IFT57: variants seen among roughly 807,000 people sequenced by gnomAD.
The protein encoded by IFT57 is intraflagellar transport protein 57 homolog.
In IFT57, 59 loss-of-function variants were observed where a neutral mutation model predicts 56.8. The ratio of observed to expected loss-of-function variants is 1.04; its 90% CI spans 0.84 to 1.29. IFT57 has a LOEUF of 1.29. Among genes scored for constraint, IFT57 ranks in the 50% most tolerant of loss-of-function variants. The pLI is 0.00. For synonymous variants in IFT57, 209 were observed against 186.1 expected (o/e 1.12, Z -1.00); for missense variants, 470 against 522.1 (o/e 0.90, Z 0.97).
intron 5 of IFT57, among the ~76,000 whole-genome samples, chr3:108,201,597 A>G (rs933048500): frequency 1.4e-4 from 21 of 152,206 alleles, no homozygotes; most frequent in African/African-American, 5.1e-4. Flanking sequence ...TAGGAGGCCT[A>G]ACACTCAACT....
intron 6 of IFT57, among the ~76,000 whole-genome samples, chr3:108,180,359 C>A (rs183597196): frequency 4.3e-4 from 66 of 152,024 alleles, no homozygotes; most frequent in Middle Eastern, 6.8e-3. Flanking sequence ...TTTGGCAAGT[C>A]AGACAGGGAG....
Position 108,209,916 on chromosome 3 carries a change from ATGTGTGTGTGTG to A in IFT57, c.586-3232_586-3221del, listed in dbSNP as rs35248776. On this transcript the variant is annotated intron_variant, in intron 4 of 10. Transcript: ENST00000264538. ...AGCCAATTCCTTAGTCTTTTTCTAT[ATGTGTGTGTGTG>A]TGTGTGTGTACCTCCTATTGGTTCT... 2.0e-5 allele frequency among the ~76,000 whole-genome samples: 3 copies of A among 149,932 alleles called. No homozygotes were observed. In the East Asian group the frequency reaches 5.9e-4, roughly 29 times the overall value.
chr3:108,204,114 CCATCATAAGCTGTAGTCAGACACAG>C (rs964754446), intron 5 of IFT57, among the ~76,000 whole-genome samples: 1 of 152,128 alleles, frequency 6.6e-6, no homozygotes, highest in African/African-American at 2.4e-5. Flanking sequence ...GCAGCCCAAA[CCATCATAAGCTGTAGTCAGACACAG>C]CTGTCTCAGG....
Position 108,222,272 on chromosome 3 carries a change from C to A in IFT57, c.51G>T (p.Val17=). ...VVTTSGLEDG[V]PRSRGEGTGE... ...CGGTCCCTTCGCCACGGGACCTAGG[C>A]ACCCCATCTTCCAAACCCGACGTCG... is the stretch of plus-strand genomic sequence containing the variant. Residue 17 remains valine (V), a synonymous_variant, in exon 1 of 11, where the codon GTG becomes GTT. Transcript: ENST00000264538. 6.2e-7 allele frequency: 1 copy of A among 1,613,960 alleles called. No individual in the cohort carries two copies. Among genetic ancestry groups the A allele is most frequent in the Non-Finnish European group, 8.5e-7 (1 of 1,179,980 alleles).
chr3:108,194,547 A>G (rs1189527963), intron 5 of IFT57, among the ~76,000 whole-genome samples: 3 of 152,322 alleles, frequency 2.0e-5, no homozygotes, highest in Non-Finnish European at 4.4e-5. Flanking sequence ...TCCTGAGCAA[A>G]AAGAACAAAG....
At chr3:108,198,484 C>G (rs62267866) in intron 5 of IFT57, among the ~76,000 whole-genome samples, 13,943 of 152,168 alleles carry the variant, frequency 0.092, 706 homozygotes, top group Middle Eastern at 0.12. Flanking sequence ...CTCTGTCACC[C>G]AGGTTGGAGT....
chr3:108,167,027 C>T, intron 7 of IFT57, 42 bp from the exon 8 acceptor site: 1 of 1,556,154 alleles, frequency 6.4e-7, no homozygotes, highest in Non-Finnish European at 8.7e-7. Flanking sequence ...AACTCACAAA[C>T]ATATTTTTTC....
At chr3:108,164,421 C>T (rs1291331488) in intron 9 of IFT57, among the ~76,000 whole-genome samples, 1 of 151,994 alleles carries the variant, frequency 6.6e-6, no homozygotes, top group Non-Finnish European at 1.5e-5. Context: ...ACATGATCTA[C>T]AACTAAGCTA....
chr3:108,216,553 A>G (rs1450043362), intron 3 of IFT57, among the ~76,000 whole-genome samples: 2 of 152,334 alleles, frequency 1.3e-5, no homozygotes, highest in African/African-American at 4.8e-5. Context: ...TACAGACACT[A>G]TAGCGAACAC....
chr3:108,217,828 T>C (rs958138041), intron 3 of IFT57, among the ~76,000 whole-genome samples: 4 of 151,866 alleles, frequency 2.6e-5, no homozygotes, highest in African/African-American at 4.8e-5. Flanking sequence ...AATTTATGTT[T>C]TCTAATTATA....
Position 108,161,831 on chromosome 3 carries a change from A to C in IFT57, c.*646T>G, listed in dbSNP as rs989089614. 6.6e-6 allele frequency: 1 copy of C among 152,226 alleles called. No homozygotes were observed. The highest frequency in any genetic ancestry group is 6.5e-5 in the Admixed American group (1 of 15,268). 9.4% of individuals were successfully genotyped at this position (152,226 alleles called of 1,614,324 possible). Reference sequence around the variant, plus strand: ...TTCTCTTCATTCTAAGAACAGAGTCAAACATGAGTGACTGACTTATCATCA... The same window carrying C: ...TTCTCTTCATTCTAAGAACAGAGTCCAACATGAGTGACTGACTTATCATCA... On this transcript the variant is annotated 3_prime_UTR_variant, in exon 11 of 11. Transcript: ENST00000264538.
chr3:108,189,083 A>G (rs2080200781), intron 6 of IFT57, among the ~76,000 whole-genome samples: 1 of 152,236 alleles, frequency 6.6e-6, no homozygotes, highest in Non-Finnish European at 1.5e-5. Context: ...AAAACCAAAA[A>G]ATCAGAAATC....
At chr3:108,176,130 A>T (rs2080122795) in intron 6 of IFT57, among the ~76,000 whole-genome samples, 1 of 151,880 alleles carries the variant, frequency 6.6e-6, no homozygotes, top group Admixed American at 6.6e-5. Flanking sequence ...TTACAATTCC[A>T]TTATAATTAC....
chr3:108,181,597 A>G (rs915298274), intron 6 of IFT57, among the ~76,000 whole-genome samples: 1 of 152,108 alleles, frequency 6.6e-6, no homozygotes, highest in African/African-American at 2.4e-5. Flanking sequence ...TAGGCAGTTT[A>G]TTTTAATAGC....
At chr3:108,202,687 T>C (rs576712653) in intron 5 of IFT57, among the ~76,000 whole-genome samples, 1 of 152,220 alleles carries the variant, frequency 6.6e-6, no homozygotes, top group Non-Finnish European at 1.5e-5. Context: ...TGGTGGAAGA[T>C]GAAGCAATGC....
intron 9 of IFT57, among the ~76,000 whole-genome samples, chr3:108,164,611 T>C (rs1186287867): frequency 6.6e-6 from 1 of 152,092 alleles, no homozygotes; most frequent in Non-Finnish European, 1.5e-5. Context: ...CTTCAAGTGT[T>C]AATTTACCTA....
At chr3:108,192,705 G>A (rs553639364) in intron 5 of IFT57, among the ~76,000 whole-genome samples, 3 of 152,034 alleles carry the variant, frequency 2.0e-5, no homozygotes, top group East Asian at 3.9e-4. Flanking sequence ...GACTTAAAAT[G>A]TATGAACCTT....
chr3:108,190,298 C>T (rs181561290), intron 6 of IFT57, among the ~76,000 whole-genome samples: 43 of 152,062 alleles, frequency 2.8e-4, no homozygotes, highest in Non-Finnish European at 3.5e-4. Context: ...TGGGAGAGGC[C>T]GGGGCAGAAT....
chr3:108,165,213 T>C (rs943005935), intron 9 of IFT57, among the ~76,000 whole-genome samples: 1 of 152,146 alleles, frequency 6.6e-6, no homozygotes, highest in South Asian at 2.1e-4. Flanking sequence ...GAGCAGGTTT[T>C]ATGTTGAATT....
Sources: allele counts gnomAD v4.1 joint callset (sites outside exome capture counted in the v4.1 genomes callset), GRCh38; gene constraint gnomAD v4.1.1; transcripts MANE v1.5; gene names NCBI Gene and HGNC (gene_info 2026-07-23, HGNC 2026-07-21).